The following MYO10 variants were observed in gnomAD, a reference collection of about 807,000 sequenced individuals.
MYO10 encodes the protein unconventional myosin-X.
Under a neutral mutation model 257.3 loss-of-function variants are expected in MYO10, and 133 were observed. The observed-to-expected ratio is 0.52, with a 90% CI of 0.45 to 0.60. The LOEUF (loss-of-function observed/expected upper bound fraction) is 0.60. Ranked by LOEUF, MYO10 falls within the 20% of genes least tolerant of loss-of-function variation. The pLI is 0.00. For synonymous variants in MYO10, 1,104 were observed against 1,028.6 expected (o/e 1.07, Z -1.40); for missense variants, 2,399 against 2,635.7 (o/e 0.91, Z 1.97).
chr5:16,830,993 C>A (rs769233440), intron 2 of MYO10, among the ~76,000 whole-genome samples: 1 of 152,164 alleles, frequency 6.6e-6, no homozygotes, highest in African/African-American at 2.4e-5. Flanking sequence ...GTATCCACTG[C>A]GTCAATGTCA....
In MYO10 at chr5:16,827,112, G is replaced by A. The variant is rs1001226132; in HGVS notation, c.121-8945C>T. 3.9e-5 allele frequency among the ~76,000 whole-genome samples: 6 copies of A among 152,066 alleles called. No homozygotes were observed. The East Asian group carries it at 1.2e-3, about 29-fold the overall frequency. The stretch of plus-strand genomic sequence containing the variant: ...CACAAGACTGGAGAAATTATTTGGG[G>A]GCAAGAAAACGTCAAGTCCCCTAGA... On this transcript the variant is annotated intron_variant, in intron 2 of 40. Coordinates refer to ENST00000513610, the MANE Select transcript of MYO10 (RefSeq NM_012334.3).
Position 16,908,518 on chromosome 5 carries a change from G to A in MYO10, c.21+27270C>T, listed in dbSNP as rs903187191. 6.6e-5 allele frequency among the ~76,000 whole-genome samples: 10 copies of A among 152,126 alleles called. 1 individual carries two copies. The highest frequency in any genetic ancestry group is 2.1e-4 in the South Asian group (1 of 4,818). On this transcript the variant is annotated intron_variant, in intron 1 of 40. Coordinates refer to ENST00000513610, the MANE Select transcript of MYO10 (RefSeq NM_012334.3). ...ACTCCAGCCAGCAAGACTCTGTCTC[G>A]AAAAAATGAAATAAAATAAAATAAA...
intron 9 of MYO10, among the ~76,000 whole-genome samples, chr5:16,777,295 C>T (rs1741248465): frequency 6.6e-6 from 1 of 152,096 alleles, no homozygotes; most frequent in African/African-American, 2.4e-5. Context: ...TTATAAATGG[C>T]AGGTTGTGAC....
rs180997047 is a variant in MYO10, at chr5:16,896,019, G to T, written c.22-18312C>A. On this transcript the variant is annotated intron_variant, in intron 1 of 40. Transcript: ENST00000513610. ...GACAGCCCCAGCTCCTGCCCTCTCC[G>T]CCTCAACACTCCTGGCCTCGCTTCT... Among the ~76,000 whole-genome samples, 2 of 152,144 alleles carry T rather than the reference G, an allele frequency of 1.3e-5. 1 individual carries two copies. Among genetic ancestry groups the T allele is most frequent in the South Asian group, 4.1e-4 (2 of 4,828 alleles).
At chr5:16,801,332 C>T (rs1291952522) in intron 3 of MYO10, among the ~76,000 whole-genome samples, 3 of 152,068 alleles carry the variant, frequency 2.0e-5, no homozygotes, top group South Asian at 2.1e-4. Context: ...CTCAGCCTCC[C>T]GAGTAGCTGG....
chr5:16,694,846 T>C (rs548905723), intron 26 of MYO10, among the ~76,000 whole-genome samples: 2 of 152,044 alleles, frequency 1.3e-5, no homozygotes, highest in South Asian at 2.1e-4. Flanking sequence ...TCCAAAGGAG[T>C]TCCTGCTCAC....
intron 2 of MYO10, among the ~76,000 whole-genome samples, chr5:16,855,747 C>T (rs1483927425): frequency 2.6e-5 from 4 of 152,256 alleles, no homozygotes; most frequent in African/African-American, 9.6e-5. Flanking sequence ...AGCCAGTTAA[C>T]ATCTGTCATT....
intron 1 of MYO10, among the ~76,000 whole-genome samples, chr5:16,913,723 G>A (rs547131421): frequency 4.6e-5 from 7 of 152,332 alleles, no homozygotes; most frequent in Admixed American, 1.3e-4. Flanking sequence ...CAGAACAAGA[G>A]AGACAAGTGA....
intron 17 of MYO10, among the ~76,000 whole-genome samples, chr5:16,758,678 A>G (rs574118454): frequency 4.6e-5 from 7 of 152,320 alleles, no homozygotes; most frequent in Admixed American, 3.9e-4. Flanking sequence ...CTGTCTCCCC[A>G]CTTCCCAGCT....
At chr5:16,760,893 T>A (rs1298187130) in intron 17 of MYO10, among the ~76,000 whole-genome samples, 1 of 152,168 alleles carries the variant, frequency 6.6e-6, no homozygotes, top group Non-Finnish European at 1.5e-5. Flanking sequence ...AGAGGATTAA[T>A]AACAGTATGT....
Position 16,666,000 on chromosome 5 carries a change from T to G in MYO10, c.*692A>C, listed in dbSNP as rs1334632663. On this transcript the variant is annotated 3_prime_UTR_variant, in exon 41 of 41. Coordinates refer to ENST00000513610, the MANE Select transcript of MYO10 (RefSeq NM_012334.3). ...AGACTATAGCTCTGCATTATTAAAA[T>G]ATACAGACTGTGTACACCATTACAC... The G allele has an allele frequency of 1.3e-5, 2 of 152,648 alleles. No individual in the cohort carries two copies. The highest frequency in any genetic ancestry group is 2.9e-5 in the Non-Finnish European group (2 of 68,042). The allele number at this position is 152,648 out of a possible 1,614,324, so 9.5% of individuals were successfully genotyped here.
At chr5:16,852,132 AGGGAGGGAGGGT>A (rs1743826359) in intron 2 of MYO10, among the ~76,000 whole-genome samples, 2 of 139,402 alleles carry the variant, frequency 1.4e-5, no homozygotes, top group Non-Finnish European at 3.1e-5. Context: ...GGAGGGAAGG[AGGGAGGGAGGGT>A]GGTTGGTTGG....
chr5:16,748,280 T>G (rs1041892174), intron 19 of MYO10, among the ~76,000 whole-genome samples: 1 of 152,046 alleles, frequency 6.6e-6, no homozygotes, highest in Non-Finnish European at 1.5e-5. Context: ...AGAGTCTCAC[T>G]CTCACCCAGG....
intron 19 of MYO10, chr5:16,713,192 C>T (rs1484446597): frequency 2.0e-6 from 1 of 501,926 alleles, no homozygotes; most frequent in Non-Finnish European, 2.6e-6. Context: ...CAGGCTTTCC[C>T]TGTTCCTGAT....
Position 16,720,227 on chromosome 5 carries a change from C to T in MYO10, c.1930-8982G>A, listed in dbSNP as rs149185108. On this transcript the variant is annotated intron_variant, in intron 19 of 40. Coordinates refer to ENST00000513610, the MANE Select transcript of MYO10 (RefSeq NM_012334.3). ...AGATCCTCAGAGCCCTGACAAACAG[C>T]CCCAGAAAGCCAAACAAAGGAGCTG... 1.9e-3 allele frequency among the ~76,000 whole-genome samples: 288 copies of T among 152,178 alleles called. 1 individual carries two copies. Among genetic ancestry groups the T allele is most frequent in the African/African-American group, 6.4e-3 (264 of 41,526 alleles).
In MYO10 at chr5:16,701,362, G is replaced by T; in HGVS notation, c.3033C>A (p.Ser1011Arg). The T allele has an allele frequency of 6.2e-7, 1 of 1,613,962 alleles. No homozygotes were observed. The highest frequency in any genetic ancestry group is 8.5e-7 in the Non-Finnish European group (1 of 1,179,874). The change falls in exon 25 of 41, where the codon AGC becomes AGA. Residue 1011 changes from serine (S) to arginine (R), a missense_variant. By Grantham distance (110) the Ser-to-Arg change is moderately radical (BLOSUM62 -1). Transcript: ENST00000513610. This position sits in a 1 kb window ranked among gnomAD's most constrained non-coding sequence, Gnocchi z 8.1. ...TTCGCTGGTCTGAGTGGCCGTGCTCGCTGGGGTTGGGGGAGTCCTTGAAGG... is the reference window on the plus strand; with the variant it reads ...TTCGCTGGTCTGAGTGGCCGTGCTCTCTGGGGTTGGGGGAGTCCTTGAAGG... ...DDAFKDSPNP[S>R]EHGHSDQRTS...
intron 2 of MYO10, among the ~76,000 whole-genome samples, chr5:16,836,299 A>T (rs553350193): frequency 1.3e-5 from 2 of 152,262 alleles, no homozygotes; most frequent in African/African-American, 4.8e-5. Context: ...AGTAGATAAC[A>T]AATGGTCACT....
At chr5:16,823,763 C>A (rs575193355) in intron 2 of MYO10, among the ~76,000 whole-genome samples, 130 of 145,320 alleles carry the variant, frequency 8.9e-4, no homozygotes, top group Middle Eastern at 4.2e-3. Flanking sequence ...TGAGCCACTG[C>A]GCCTGGCTGG....
At chr5:16,767,167 CTTTTTT>C (rs35242676) in intron 10 of MYO10, among the ~76,000 whole-genome samples, 1 of 105,320 alleles carries the variant, frequency 9.5e-6, no homozygotes, top group Non-Finnish European at 1.9e-5. Context: ...ACCCAACTGT[CTTTTTT>C]TTTTTTTTTT....
Sources: gnomAD v4.1 joint callset for allele counts (sites outside exome capture counted in the v4.1 genomes callset) on GRCh38, gnomAD v4.1.1 for gene constraint, Gnocchi (gnomAD v3.1) non-coding constraint, MANE v1.5 for transcripts, NCBI Gene and HGNC (gene_info 2026-07-23, HGNC 2026-07-21) for gene names.